HDAC9: variants seen among roughly 807,000 people sequenced by gnomAD.
HDAC9 encodes MEF-2 interacting transcription repressor (MITR) protein.
Under a neutral mutation model 139.4 loss-of-function variants are expected in HDAC9, and 41 were observed. The ratio of observed to expected loss-of-function variants is 0.29; its 90% CI spans 0.23 to 0.38. The LOEUF is 0.38. Among genes scored for constraint, HDAC9 ranks in the 10% least tolerant of loss-of-function variants. The pLI is 1.00. For missense variants in HDAC9, 1,147 were observed against 1,297.0 expected, an observed-to-expected ratio of 0.88 and a Z score of 1.78; for synonymous variants, 517 against 476.2, an observed-to-expected ratio of 1.09 and a Z score of -1.12.
chr7:18,863,074 G>A (rs567948050), intron 21 of HDAC9, among the ~76,000 whole-genome samples: 1 of 152,138 alleles, frequency 6.6e-6, no homozygotes, highest in Non-Finnish European at 1.5e-5. Flanking sequence ...GACAAGAGAG[G>A]AAAGGACGAT....
At chr7:18,364,171 G>A (rs1783998887) in intron 1 of HDAC9, among the ~76,000 whole-genome samples, 1 of 152,080 alleles carries the variant, frequency 6.6e-6, no homozygotes, top group South Asian at 2.1e-4. Flanking sequence ...TTGAACATCT[G>A]TGTGAGGCAG....
At chr7:18,887,972 C>T (rs1221684751) in intron 22 of HDAC9, among the ~76,000 whole-genome samples, 1 of 152,162 alleles carries the variant, frequency 6.6e-6, no homozygotes. Context: ...AATTTAGCCA[C>T]CTTTACCCAA....
chr7:18,635,424 A>G (rs1307368443), intron 8 of HDAC9, among the ~76,000 whole-genome samples: 1 of 152,042 alleles, frequency 6.6e-6, no homozygotes, highest in Non-Finnish European at 1.5e-5. Flanking sequence ...GAAGAATGAC[A>G]TATTAAAGGA....
intron 21 of HDAC9, among the ~76,000 whole-genome samples, chr7:18,857,335 T>TGTGTGTGTGTG (rs1797759664): frequency 1.4e-5 from 2 of 140,890 alleles, no homozygotes. Flanking sequence ...TATGTTTTAG[T>TGTGTGTGTGTG]TGTGTGTGTG....
At chr7:18,982,612 AG>A (rs1785030808) in intron 25 of HDAC9, among the ~76,000 whole-genome samples, 1 of 152,094 alleles carries the variant, frequency 6.6e-6, no homozygotes, top group Non-Finnish European at 1.5e-5. Flanking sequence ...ACCTCCAAAA[AG>A]TTTGCTTCTG....
At chr7:18,862,208 T>C (rs926606470) in intron 21 of HDAC9, among the ~76,000 whole-genome samples, 1 of 152,192 alleles carries the variant, frequency 6.6e-6, no homozygotes, top group Admixed American at 6.5e-5. Context: ...TAGGCAAAGA[T>C]TTTGATCAGC....
In HDAC9 at chr7:18,244,812, A is replaced by AAATAATAAT. The variant is rs55633844; in HGVS notation, c.25+82479_25+82487dup. On this transcript the variant is annotated intron_variant, in intron 2 of 12. Transcript: ENST00000417496. The stretch of plus-strand genomic sequence containing the variant: ...GAGACAGAGTGAGCCTCTGTCTCAA[A>AAATAATAAT]AATAATAATAATAATAATAATAATG... Among the ~76,000 whole-genome samples the AAATAATAAT allele has an allele frequency of 2.9e-3, 422 of 147,942 alleles. 3 individuals carry two copies. The highest frequency in any genetic ancestry group is 7.0e-3 in the Middle Eastern group (2 of 284).
intron 1 of HDAC9, among the ~76,000 whole-genome samples, chr7:18,429,666 T>G (rs1790457920): frequency 6.6e-6 from 1 of 152,190 alleles, no homozygotes; most frequent in African/African-American, 2.4e-5. Context: ...GGTAAAATTT[T>G]TTCATGTTGT....
chr7:18,827,062 G>A (rs1028181407), intron 17 of HDAC9, among the ~76,000 whole-genome samples: 1 of 151,372 alleles, frequency 6.6e-6, no homozygotes, highest in African/African-American at 2.4e-5. Context: ...AGACAAGCCT[G>A]GGCAACATAG....
At chr7:18,421,067 T>C (rs965529818) in intron 1 of HDAC9, among the ~76,000 whole-genome samples, 30 of 152,234 alleles carry the variant, frequency 2.0e-4, no homozygotes, top group African/African-American at 7.2e-4. Flanking sequence ...ATTCTGCTTC[T>C]GTACTATGTC....
chr7:18,839,856 C>A (rs1006650170), intron 21 of HDAC9, among the ~76,000 whole-genome samples: 1 of 151,958 alleles, frequency 6.6e-6, no homozygotes, highest in African/African-American at 2.4e-5. Context: ...AAGACTAATT[C>A]TTTTAAGAGT....
chr7:18,547,411 A>AT (rs1404647851), intron 2 of HDAC9, among the ~76,000 whole-genome samples: 1 of 151,992 alleles, frequency 6.6e-6, no homozygotes, highest in African/African-American at 2.4e-5. Context: ...AATCTTTTGT[A>AT]TTTTTAGTGG....
chr7:18,578,082 C>T (rs745844640), intron 2 of HDAC9: 2 of 513,948 alleles, frequency 3.9e-6, no homozygotes. Flanking sequence ...TCCCAAAGAT[C>T]CCTTTCCCAG....
chr7:18,900,250 G>A (rs1990116), intron 22 of HDAC9, among the ~76,000 whole-genome samples: 10,069 of 152,166 alleles, frequency 0.066, 469 homozygotes, highest in African/African-American at 0.13. Flanking sequence ...TCATTATTTA[G>A]AAATCAAAGA....
chr7:18,798,318 C>T (rs991642039), intron 17 of HDAC9, among the ~76,000 whole-genome samples: 1 of 152,138 alleles, frequency 6.6e-6, no homozygotes, highest in African/African-American at 2.4e-5. Flanking sequence ...CAAAATGTGT[C>T]AGGATGAAAT....
intron 1 of HDAC9, among the ~76,000 whole-genome samples, chr7:18,482,686 T>G (rs1305879094): frequency 6.6e-6 from 1 of 152,150 alleles, no homozygotes; most frequent in Non-Finnish European, 1.5e-5. Context: ...TTTAAGACAT[T>G]TTTTTGGAAT....
At chr7:18,762,361 G>T in intron 15 of HDAC9, 84 bp downstream of exon 15, 1 of 1,465,336 alleles carries the variant, frequency 6.8e-7, no homozygotes, top group Non-Finnish European at 9.3e-7. Flanking sequence ...AAAATACTTG[G>T]CAAGTAGTGC....
At chr7:18,277,192 A>G (rs1239031075) in intron 2 of HDAC9, among the ~76,000 whole-genome samples, 1 of 151,946 alleles carries the variant, frequency 6.6e-6, no homozygotes, top group Non-Finnish European at 1.5e-5. Flanking sequence ...AGAAGGAGAT[A>G]GGAAACAATG....
chr7:18,263,397 C>T (rs1297972857), intron 2 of HDAC9, among the ~76,000 whole-genome samples: 3 of 152,068 alleles, frequency 2.0e-5, no homozygotes, highest in Non-Finnish European at 2.9e-5. Context: ...ATCAGGAGGG[C>T]AGGCAGGAGG....
Sources: allele counts gnomAD v4.1 joint callset (sites outside exome capture counted in the v4.1 genomes callset), GRCh38; gene constraint gnomAD v4.1.1; transcripts MANE v1.5; gene names NCBI Gene and HGNC (gene_info 2026-07-23, HGNC 2026-07-21).